CEP85L: variants seen among roughly 807,000 people sequenced by gnomAD.
CEP85L encodes the protein centrosomal protein of 85 kDa-like.
CEP85L carries 60 observed loss-of-function variants against 100.3 expected under a neutral mutation model. That is an observed-to-expected ratio of 0.60 (90% CI 0.49 to 0.74). The LOEUF is 0.74. Ranked by LOEUF, CEP85L falls within the 30% of genes least tolerant of loss-of-function variation. CEP85L has a pLI of 0.00. For synonymous variants in CEP85L, 319 were observed against 322.7 expected (o/e 0.99, Z 0.12); for missense variants, 973 against 936.2 (o/e 1.04, Z -0.51).
chr6:118,633,141 A>G (rs1024566654), intron 1 of CEP85L, among the ~76,000 whole-genome samples: 1 of 151,134 alleles, frequency 6.6e-6, no homozygotes, highest in African/African-American at 2.4e-5. Flanking sequence ...TATTTGAATT[A>G]TTTCCTTAAT....
At chr6:118,581,814 A>G (rs1436901478) in intron 2 of CEP85L, among the ~76,000 whole-genome samples, 3 of 152,180 alleles carry the variant, frequency 2.0e-5, no homozygotes, top group Non-Finnish European at 4.4e-5. Flanking sequence ...ACTTTGAAAA[A>G]AAAGTGACTC....
chr6:118,638,389 C>T (rs779883152), intron 1 of CEP85L, among the ~76,000 whole-genome samples: 13 of 151,820 alleles, frequency 8.6e-5, no homozygotes, highest in Non-Finnish European at 1.5e-4. Context: ...TTAATTTAAA[C>T]TGAAAAAATT....
At position 118,601,434 on chromosome 6, in the gene CEP85L, ATCT is replaced by A. The variant is rs765991101; in HGVS notation, c.232+31016_232+31018del. 7.2e-5 allele frequency among the ~76,000 whole-genome samples: 11 copies of A among 152,310 alleles called. No individual in the cohort carries two copies. In the East Asian group the frequency reaches 1.2e-3, roughly 16 times the overall value. ...CGCTTCACTGTGACTGAGTTTGATA[ATCT>A]TCTTTCCAATGTTTATCGATCAATT... On this transcript the variant is annotated intron_variant, in intron 2 of 12. Coordinates refer to ENST00000368491, the MANE Select transcript of CEP85L (RefSeq NM_001042475.3).
chr6:118,495,834 A>C (rs1774883086), intron 5 of CEP85L, among the ~76,000 whole-genome samples: 1 of 152,238 alleles, frequency 6.6e-6, no homozygotes. Flanking sequence ...ACAGTTGTTA[A>C]AGAGGATGAA....
chr6:118,643,584 A>C (rs779760354), intron 1 of CEP85L, among the ~76,000 whole-genome samples: 13 of 152,220 alleles, frequency 8.5e-5, no homozygotes, highest in Non-Finnish European at 1.5e-4. Context: ...ACAGTTTCTG[A>C]TCTTACATTA....
rs541976155 is a variant in CEP85L at position 118,506,550 on chromosome 6, G to C, written c.1257+4748C>G. On this transcript the variant is annotated intron_variant, in intron 5 of 12. Coordinates refer to ENST00000368491, the MANE Select transcript of CEP85L (RefSeq NM_001042475.3). ...TAGGTAACCCTAAGCCTTTTGCTTT[G>C]CTGGCCAAATATTTTAATTTTATTC... Among the ~76,000 whole-genome samples the C allele has an allele frequency of 6.6e-5, 10 of 152,246 alleles. 1 individual carries two copies. In the South Asian group the frequency reaches 2.1e-3, roughly 32 times the overall value.
chr6:118,632,717 T>G, intron 1 of CEP85L, 106 bp from the exon 2 acceptor site: 1 of 766,406 alleles, frequency 1.3e-6, no homozygotes, highest in Non-Finnish European at 1.9e-6. Context: ...TATAAAAGGT[T>G]CTTTTCTGCC....
intron 2 of CEP85L, among the ~76,000 whole-genome samples, chr6:118,626,740 C>T (rs539433555): frequency 2.6e-5 from 4 of 152,266 alleles, no homozygotes; most frequent in South Asian, 2.1e-4. Flanking sequence ...CTCTGTCACT[C>T]GCCGCAGTCA....
chr6:118,483,637 G>A (rs1474300300), intron 7 of CEP85L, 69 bp downstream of exon 7: 1 of 1,464,270 alleles, frequency 6.8e-7, no homozygotes, highest in Non-Finnish European at 9.3e-7. Flanking sequence ...CTTATAGTTA[G>A]CCAAATTTCT....
At chr6:118,696,928 G>A (rs1173903390) in intron 1 of CEP85L, among the ~76,000 whole-genome samples, 1 of 152,102 alleles carries the variant, frequency 6.6e-6, no homozygotes, top group Non-Finnish European at 1.5e-5. Context: ...GTCATAAGAA[G>A]ACTAAGGTAC....
chr6:118,653,785 C>T (rs773999384), upstream of CEP85L, among the ~76,000 whole-genome samples: 2 of 150,120 alleles, frequency 1.3e-5, no homozygotes, highest in Non-Finnish European at 3.0e-5. Flanking sequence ...GTATAAGTAT[C>T]ATTGCTCAGA....
At chr6:118,634,471 A>G (rs1199414408) in intron 1 of CEP85L, among the ~76,000 whole-genome samples, 1 of 152,232 alleles carries the variant, frequency 6.6e-6, no homozygotes, top group Non-Finnish European at 1.5e-5. Flanking sequence ...ATACATGTAT[A>G]AAGTATATAA....
Position 118,571,012 on chromosome 6 carries a change from A to T in CEP85L, c.233-4696T>A, listed in dbSNP as rs569841871. Among the ~76,000 whole-genome samples the T allele has an allele frequency of 1.6e-4, 24 of 152,162 alleles. No individual in the cohort carries two copies. The East Asian group carries it at 4.6e-3, about 29-fold the overall frequency. On this transcript the variant is annotated intron_variant, in intron 2 of 12. Coordinates refer to ENST00000368491, the MANE Select transcript of CEP85L (RefSeq NM_001042475.3). ...ATTTATAAGAGAATTAAATATAAGAATTAAAATTTTTAAATTAAATATTTA... is the reference window on the plus strand; with the variant it reads ...ATTTATAAGAGAATTAAATATAAGATTTAAAATTTTTAAATTAAATATTTA...
chr6:118,539,542 T>C (rs12207554), intron 3 of CEP85L, among the ~76,000 whole-genome samples: 4,415 of 152,336 alleles, frequency 0.029, 109 homozygotes, highest in African/African-American at 0.056. Context: ...TCTTGAAATG[T>C]AGCAATGAAT....
intron 4 of CEP85L, among the ~76,000 whole-genome samples, 159 bp from the exon 5 acceptor site, chr6:118,511,574 G>A (rs1582945681): frequency 6.6e-6 from 1 of 152,248 alleles, no homozygotes; most frequent in East Asian, 1.9e-4. Context: ...CTTTAAGCAA[G>A]TTATTTAATT....
intron 1 of CEP85L, among the ~76,000 whole-genome samples, chr6:118,689,973 G>A (rs541558327): frequency 6.0e-5 from 9 of 149,246 alleles, no homozygotes; most frequent in African/African-American, 1.7e-4. Flanking sequence ...AGGCTGGTCT[G>A]GAACTCCTGG....
At chr6:118,582,261 T>C (rs1780618472) in intron 2 of CEP85L, among the ~76,000 whole-genome samples, 1 of 152,208 alleles carries the variant, frequency 6.6e-6, no homozygotes, top group African/African-American at 2.4e-5. Context: ...TCCTTCTCAT[T>C]ACAGGACCTT....
At chr6:118,565,377 A>G (rs890389232) in intron 3 of CEP85L, 152 bp downstream of exon 3, 52 of 721,134 alleles carry the variant, frequency 7.2e-5, no homozygotes, top group Middle Eastern at 2.5e-4. Context: ...TATCAACAAC[A>G]CTTTTCGGTT....
chr6:118,690,626 G>C (rs1777005081), intron 1 of CEP85L, among the ~76,000 whole-genome samples: 1 of 152,214 alleles, frequency 6.6e-6, no homozygotes, highest in South Asian at 2.1e-4. Context: ...GATTGCTCTA[G>C]TTAAACATAA....
Sources: allele counts gnomAD v4.1 joint callset (sites outside exome capture counted in the v4.1 genomes callset), GRCh38; gene constraint gnomAD v4.1.1; transcripts MANE v1.5; gene names NCBI Gene and HGNC (gene_info 2026-07-23, HGNC 2026-07-21).